Variants in KANK1 observed in about 807,000 individuals in gnomAD.
KANK1 encodes the protein KN motif and ankyrin repeat domains 1.
Under a neutral mutation model 106.2 loss-of-function variants are expected in KANK1, and 109 were observed. That is an observed-to-expected ratio of 1.03 (90% CI 0.88 to 1.20). KANK1 has a LOEUF of 1.20. Among genes scored for constraint, KANK1 ranks in the 50% most tolerant of loss-of-function variants. The probability of loss-of-function intolerance (pLI) is 0.00; values close to 1 mark genes in which losing one functional copy is unlikely to be tolerated. For synonymous variants in KANK1, 873 were observed against 652.2 expected (o/e 1.34, Z -5.16); for missense variants, 2,399 against 1,710.7 (o/e 1.40, Z -7.10).
chr9:607,374 A>G (rs540543845), intron 1 of KANK1, among the ~76,000 whole-genome samples: 2 of 146,920 alleles, frequency 1.4e-5, no homozygotes, highest in South Asian at 2.2e-4. Context: ...AGTCCCAGCT[A>G]TTTGGGACGG....
chr9:665,221 T>G (rs1003118835), intron 1 of KANK1, among the ~76,000 whole-genome samples: 1 of 152,208 alleles, frequency 6.6e-6, no homozygotes, highest in African/African-American at 2.4e-5. Flanking sequence ...TTTTGAGAAC[T>G]TAAACAAAAA....
intron 1 of KANK1, among the ~76,000 whole-genome samples, chr9:597,599 G>C (rs576773711): frequency 2.0e-5 from 3 of 151,516 alleles, no homozygotes; most frequent in Admixed American, 1.3e-4. Context: ...CTGGATACTA[G>C]ACCCTTAATA....
At chr9:739,387 C>G (rs1451925861) in intron 8 of KANK1, among the ~76,000 whole-genome samples, 3 of 152,190 alleles carry the variant, frequency 2.0e-5, no homozygotes, top group Non-Finnish European at 4.4e-5. Context: ...CATCCACTGT[C>G]CAATCTCTTC....
chr9:496,075 T>TC (rs2058455812), intron 3 of KANK1, among the ~76,000 whole-genome samples: 1 of 152,178 alleles, frequency 6.6e-6, no homozygotes, highest in Non-Finnish European at 1.5e-5. Context: ...AAATTCTGCC[T>TC]CTACCACTTG....
At chr9:579,416 C>T (rs1006418904) in intron 1 of KANK1, among the ~76,000 whole-genome samples, 8 of 152,164 alleles carry the variant, frequency 5.3e-5, no homozygotes, top group Non-Finnish European at 8.8e-5. Flanking sequence ...TAGAAAAGCA[C>T]AGGAAGTTGA....
intron 1 of KANK1, among the ~76,000 whole-genome samples, chr9:578,145 A>G (rs1485072640): frequency 2.0e-5 from 3 of 152,220 alleles, no homozygotes; most frequent in Non-Finnish European, 4.4e-5. Flanking sequence ...AACTGAGCCA[A>G]ATGAGGACTC....
Position 556,127 on chromosome 9 carries a change from G to T in KANK1, c.-84+51373G>T, listed in dbSNP as rs560340250. Reference sequence around the variant, plus strand: ...TTGGGGGGAAAATACCCAAAGAATTGTAACTGAATACAGAAGCATTTTAAA... The same window carrying T: ...TTGGGGGGAAAATACCCAAAGAATTTTAACTGAATACAGAAGCATTTTAAA... On this transcript the variant is annotated intron_variant, in intron 1 of 11. Coordinates refer to ENST00000382297, the MANE Select transcript of KANK1 (RefSeq NM_015158.5). Among the ~76,000 whole-genome samples the T allele has an allele frequency of 2.6e-5, 4 of 152,268 alleles. No individual in the cohort carries two copies. In the East Asian group the frequency reaches 7.7e-4, roughly 29 times the overall value.
intron 1 of KANK1, among the ~76,000 whole-genome samples, chr9:604,523 G>T (rs1034289756): frequency 6.6e-6 from 1 of 151,676 alleles, no homozygotes; most frequent in African/African-American, 2.4e-5. Context: ...CCTCCCCTTG[G>T]CCTTCCACCG....
At chr9:637,791 A>G (rs564608502) in intron 1 of KANK1, among the ~76,000 whole-genome samples, 12 of 148,268 alleles carry the variant, frequency 8.1e-5, no homozygotes, top group African/African-American at 2.4e-4. Context: ...GAGACTACCA[A>G]TGTCATATAT....
intron 7 of KANK1, chr9:735,578 C>T: frequency 5.4e-6 from 1 of 184,238 alleles, no homozygotes; most frequent in Non-Finnish European, 1.2e-5. Context: ...TGTAGGATCC[C>T]CTAAGGATAC....
At chr9:534,187 G>A (rs1413213901) in intron 1 of KANK1, among the ~76,000 whole-genome samples, 9 of 152,208 alleles carry the variant, frequency 5.9e-5, no homozygotes, top group African/African-American at 2.2e-4. Context: ...TGTGAAGAAT[G>A]AGCCTTTAGA....
intron 1 of KANK1, chr9:558,946 T>G (rs1294196441): frequency 1.3e-5 from 2 of 152,138 alleles, no homozygotes; most frequent in Non-Finnish European, 2.9e-5. Flanking sequence ...AAAAAAAAAT[T>G]TTGGTTCTCT....
At chr9:488,673 GTGAC>G (rs1332429287) in intron 3 of KANK1, among the ~76,000 whole-genome samples, 3 of 152,196 alleles carry the variant, frequency 2.0e-5, no homozygotes, top group African/African-American at 2.4e-5. Flanking sequence ...AGTGTAAACT[GTGAC>G]TGTCTTGTAA....
intron 1 of KANK1, among the ~76,000 whole-genome samples, chr9:643,543 A>ATTTTTT (rs774468238): frequency 6.8e-5 from 7 of 102,440 alleles, no homozygotes; most frequent in African/African-American, 1.6e-4. Context: ...TTTCTTTTTG[A>ATTTTTT]TTTTTTTTTT....
intron 7 of KANK1, 84 bp from the exon 8 acceptor site, chr9:738,201 A>T: frequency 8.9e-7 from 1 of 1,123,596 alleles, no homozygotes; most frequent in Non-Finnish European, 1.3e-6. Flanking sequence ...CTTTGACTAT[A>T]AAAGGACAGG....
rs12338563 is a variant in KANK1, at chr9:589,271, C to T, written c.-84+84517C>T. On this transcript the variant is annotated intron_variant, in intron 1 of 11. Transcript: ENST00000382297. ...TTGACTTGGAGGATTAAGTGGCTTGCTCACTGATGGTTGTGGAAATGGTCA... is the reference window on the plus strand; with the variant it reads ...TTGACTTGGAGGATTAAGTGGCTTGTTCACTGATGGTTGTGGAAATGGTCA... 4.6e-3 allele frequency among the ~76,000 whole-genome samples: 702 copies of T among 152,290 alleles called. 5 individuals are homozygous for T. Among genetic ancestry groups the T allele is most frequent in the African/African-American group, 0.016 (685 of 41,556 alleles).
At chr9:700,660 C>T (rs188708380) in intron 2 of KANK1, among the ~76,000 whole-genome samples, 88 of 152,284 alleles carry the variant, frequency 5.8e-4, no homozygotes, top group African/African-American at 2.0e-3. Context: ...AGGACTGACT[C>T]AGCTCTTCAA....
In KANK1 at chr9:713,108, G is replaced by C. The variant is rs143675911; in HGVS notation, c.2342G>C (p.Cys781Ser). The change falls in exon 3 of 12, where the codon TGT (cysteine) becomes TCT (serine). Residue 781 changes from cysteine to serine, a missense_variant. Transcript: ENST00000382297. ...GGTCTCAAAATGAGGACTATAGCTT[G>C]TGGGCCACCACAGTTGACTGTGGGG... ...LVGLKMRTIACGPPQLTVGLT... is the reference protein window; with the variant it reads ...LVGLKMRTIASGPPQLTVGLT... The C allele has an allele frequency of 3.6e-4, 575 of 1,608,944 alleles. No homozygotes were observed. Among genetic ancestry groups the C allele is most frequent in the Non-Finnish European group, 4.4e-4 (523 of 1,176,340 alleles).
intron 1 of KANK1, among the ~76,000 whole-genome samples, chr9:514,071 C>G (rs1256085910): frequency 6.7e-6 from 1 of 150,082 alleles, no homozygotes; most frequent in Non-Finnish European, 1.5e-5. Context: ...TCTTTTCTGT[C>G]CTCCTCCTCT....
Sources: gnomAD v4.1 joint callset for allele counts (sites outside exome capture counted in the v4.1 genomes callset) on GRCh38, gnomAD v4.1.1 for gene constraint, MANE v1.5 for transcripts, NCBI Gene and HGNC (gene_info 2026-07-23, HGNC 2026-07-21) for gene names.